The following CDH24 variants were observed in gnomAD, a reference collection of about 807,000 sequenced individuals.
CDH24 encodes cadherin 24, also known as cadherin-24.
Under a neutral mutation model 71.2 loss-of-function variants are expected in CDH24, and 61 were observed. That is an observed-to-expected ratio of 0.86 (90% CI 0.70 to 1.06). CDH24 has a LOEUF of 1.06. Ranked by LOEUF, CDH24 falls within the 50% of genes least tolerant of loss-of-function variation. The pLI, the probability that CDH24 is intolerant of heterozygous loss-of-function variation, is 0.00. For synonymous variants in CDH24, 440 were observed against 470.2 expected (o/e 0.94, Z 0.83); for missense variants, 961 against 1,083.7 (o/e 0.89, Z 1.59).
Position 23,048,268 on chromosome 14 carries a change from G to C in CDH24, c.2058C>G (p.Pro686=). Residue 686 remains proline (P), a synonymous_variant, in exon 12 of 13, where the codon CCC becomes CCG. Coordinates refer to ENST00000487137, the MANE Select transcript of CDH24 (RefSeq NM_144985.4). The stretch of plus-strand genomic sequence containing the variant: ...TGGGCTGGCGCGACACCCGGGCCCG[G>C]GGCAACACGTCTCGGCGCGCGGGAG... ...PGPPARRDVL[P]RARVSRQPRP... is the part of the protein sequence containing the mutation. 6.5e-7 allele frequency: 1 copy of C among 1,530,924 alleles called. No individual in the cohort carries two copies. Among genetic ancestry groups the C allele is most frequent in the South Asian group, 1.2e-5 (1 of 84,360 alleles). The allele number at this position is 1,530,924 out of a possible 1,614,324, so 94.8% of individuals were successfully genotyped here.
At chr14:23,053,318 C>T (rs574475303) in intron 7 of CDH24, among the ~76,000 whole-genome samples, 178 bp downstream of exon 7, 9 of 152,210 alleles carry the variant, frequency 5.9e-5, no homozygotes, top group Admixed American at 5.2e-4. Context: ...AGTGGTCAGC[C>T]AGGCCCTCCG....
In CDH24 at chr14:23,055,741, C is replaced by T; in HGVS notation, c.-8G>A. The T allele has an allele frequency of 6.4e-7, 1 of 1,566,504 alleles. No homozygotes were observed. Among genetic ancestry groups the T allele is most frequent in the Admixed American group, 2.1e-5 (1 of 48,078 alleles). On this transcript the variant is annotated 5_prime_UTR_variant, in exon 2 of 13. Transcript: ENST00000487137. The surrounding 1 kb of genome is among the most constrained non-coding windows in gnomAD (Gnocchi z 4.1). ...CCTCACCAGGCCCCACATGTTTGGA[C>T]TCCAGCCAGGGCTCTGTTCACTGGC...
At chr14:23,052,832 G>C (rs942619685) in intron 7 of CDH24, among the ~76,000 whole-genome samples, 1 of 152,042 alleles carries the variant, frequency 6.6e-6, no homozygotes, top group Admixed American at 6.5e-5. Context: ...ACGGGGGGAG[G>C]GGGAGAAGAC....
rs537833492 is a variant in CDH24, at chr14:23,053,298, A to G, written c.1226+198T>C. 2.0e-5 allele frequency among the ~76,000 whole-genome samples: 3 copies of G among 152,324 alleles called. No individual in the cohort carries two copies. The South Asian group carries it at 6.2e-4, about 32-fold the overall frequency. ...ATCATCTACCCAGAGGGGTGGACAG[A>G]CGGTTGAGGAGTGGTCAGCCAGGCC... On this transcript the variant is annotated intron_variant, in intron 7 of 12. Coordinates refer to ENST00000487137, the MANE Select transcript of CDH24 (RefSeq NM_144985.4).
chr14:23,052,661 G>T (rs775482024), intron 7 of CDH24, 52 bp from the exon 8 acceptor site: 1 of 1,582,020 alleles, frequency 6.3e-7, no homozygotes, highest in Non-Finnish European at 8.7e-7. Context: ...ACCACAGCTT[G>T]TTCCACCCCC....
chr14:23,055,764 G>A lies in CDH24; in HGVS notation c.-31C>T, dbSNP rs753707075. The A allele has an allele frequency of 4.0e-6, 6 of 1,511,936 alleles. No homozygotes were observed. The Admixed American group carries it at 1.5e-4, about 38-fold the overall frequency. 93.7% of individuals were successfully genotyped at this position (1,511,936 alleles called of 1,614,324 possible). A position where few individuals can be genotyped will look rare whatever the true frequency, so the allele number is the denominator to read the frequency against. On this transcript the variant is annotated 5_prime_UTR_variant, in exon 2 of 13. It introduces an in-frame stop codon into an upstream open reading frame of the 5' UTR. Coordinates refer to ENST00000487137, the MANE Select transcript of CDH24 (RefSeq NM_144985.4). The surrounding 1 kb of genome is among the most constrained non-coding windows in gnomAD (Gnocchi z 4.1). The stretch of plus-strand genomic sequence containing the variant: ...GACTCCAGCCAGGGCTCTGTTCACT[G>A]GCCCTGGGTGCTGAGGCTGGGCCAG...
intron 8 of CDH24, among the ~76,000 whole-genome samples, chr14:23,050,493 CCACACACACACACACACACA>C (rs10553168): frequency 1.4e-5 from 2 of 144,884 alleles, no homozygotes; most frequent in East Asian, 2.1e-4. Context: ...CATATACACA[CCACACACACACACACACACA>C]CACACACACA....
Position 23,055,297 on chromosome 14 carries a change from C to A in CDH24, c.258G>T (p.Glu86Asp). 6.2e-7 allele frequency: 1 copy of A among 1,611,888 alleles called. No individual in the cohort carries two copies. Among genetic ancestry groups the A allele is most frequent in the Non-Finnish European group, 8.5e-7 (1 of 1,178,090 alleles). Residue 86 changes from glutamate to aspartate, a missense_variant, in exon 3 of 13, where the codon GAG becomes GAT. By Grantham distance (45) the Glu-to-Asp change is conservative. Around this residue, in one of 2 missense-constraint regions of CDH24, gnomAD observed 671 missense variants for 810.9 expected, o/e 0.83. Coordinates refer to ENST00000487137, the MANE Select transcript of CDH24 (RefSeq NM_144985.4). This position sits in a 1 kb window ranked among gnomAD's most constrained non-coding sequence, Gnocchi z 4.1. The part of the protein sequence containing the change: ...EGRTKYLLTG[E>D]GAGTVFVIDE... ...CAATCACAAATACGGTGCCTGCCCC[C>A]TCCCCGGTCAACAGGTACTTGGTGC...
Position 23,049,746 on chromosome 14 carries a change from G to A in CDH24, c.1486-8C>T, listed in dbSNP as rs750158749. 3.1e-6 allele frequency: 5 copies of A among 1,611,696 alleles called. No individual in the cohort carries two copies. The highest frequency in any genetic ancestry group is 2.2e-5 in the South Asian group (2 of 90,882). On this transcript the variant is annotated splice_polypyrimidine_tract_variant and splice_region_variant and intron_variant, in intron 9 of 12. Transcript: ENST00000487137. ...CCGGATGACCTGAATCAGCTGGGAG[G>A]AAGAAGAGAGAGGCCTTGTATGGAG...
Position 23,053,589 on chromosome 14 carries a change from G to A in CDH24, c.1133C>T (p.Ala378Val), listed in dbSNP as rs1221213679. 27 of 1,613,050 alleles carry A rather than the reference G, an allele frequency of 1.7e-5. No individual in the cohort carries two copies. The highest frequency in any genetic ancestry group is 2.2e-5 in the Non-Finnish European group (26 of 1,179,386). The change falls in exon 7 of 13, where the codon GCC (alanine) becomes GTC (valine). Residue 378 changes from alanine to valine, a missense_variant. Physicochemically the swap from Ala to Val is moderately conservative, Grantham distance 64. Around this residue, in one of 2 missense-constraint regions of CDH24, gnomAD observed 671 missense variants for 810.9 expected, o/e 0.83. Transcript: ENST00000487137. The part of the protein sequence containing the change: ...APEPPAFTQA[A>V]YHLTVPENKA... The stretch of plus-strand genomic sequence containing the variant: ...GTTCTCAGGCACTGTCAGGTGGTAG[G>A]CAGCCTGGGTGAAGGCAGGTGGCTC...
In CDH24 at chr14:23,048,475, C is replaced by A. The variant is rs762126349; in HGVS notation, c.1851G>T (p.Leu617=). Residue 617 remains leucine, a synonymous_variant, in exon 12 of 13, where the codon CTG becomes CTT. Transcript: ENST00000487137. Reference sequence around the variant, plus strand: ...GCCGCAGGGCCACGAAGAGCACCACCAGGGCTGCGCGAGAGGCGCGCACAC... The same window carrying A: ...GCCGCAGGGCCACGAAGAGCACCACAAGGGCTGCGCGAGAGGCGCGCACAC... The part of the protein sequence containing the change: ...IITCVGALLA[L]VVLFVALRRQ... The A allele has an allele frequency of 6.2e-7, 1 of 1,605,878 alleles. No individual in the cohort carries two copies. Among genetic ancestry groups the A allele is most frequent in the Admixed American group, 1.7e-5 (1 of 59,970 alleles).
chr14:23,053,809 C>T (rs963049531), intron 6 of CDH24, 60 bp from the exon 7 acceptor site: 1 of 1,513,830 alleles, frequency 6.6e-7, no homozygotes, highest in Non-Finnish European at 8.9e-7. Flanking sequence ...AGGTCCCAGG[C>T]TCTTGGAAGG....
chr14:23,048,406 G>T lies in CDH24; in HGVS notation c.1920C>A (p.Val640=). The change falls in exon 12 of 13, where the codon GTC becomes GTA. Residue 640 remains valine (V), a synonymous_variant. Transcript: ENST00000487137. ...EALMVLEEED[V]RENIITYDDE... is the part of the protein sequence containing the mutation. ...CGTCGTAGGTGATGATGTTCTCTCGGACGTCCTCCTCCTCCAGTACCATCA... is the reference window on the plus strand; with the variant it reads ...CGTCGTAGGTGATGATGTTCTCTCGTACGTCCTCCTCCTCCAGTACCATCA... 8 of 1,612,442 alleles carry T rather than the reference G, an allele frequency of 5.0e-6. No homozygotes were observed. Among genetic ancestry groups the T allele is most frequent in the Non-Finnish European group, 5.9e-6 (7 of 1,179,638 alleles).
chr14:23,049,820 A>G lies in CDH24; in HGVS notation c.1485+2T>C. ...CCCAACCCCTCTGCCTCAGTTGCTC[A>G]CCTGGCCAGGAGCTGCAGAGTCACA... On this transcript the variant is annotated splice_donor_variant, in intron 9 of 12. Coordinates refer to ENST00000487137, the MANE Select transcript of CDH24 (RefSeq NM_144985.4). LOFTEE classifies it high-confidence loss of function. The G allele has an allele frequency of 6.2e-7, 1 of 1,613,892 alleles. No individual in the cohort carries two copies. The highest frequency in any genetic ancestry group is 8.5e-7 in the Non-Finnish European group (1 of 1,179,898).
intron 1 of CDH24, among the ~76,000 whole-genome samples, chr14:23,056,586 CAG>C (rs772994348): frequency 3.0e-4 from 45 of 152,274 alleles, no homozygotes; most frequent in Non-Finnish European, 5.7e-4. Context: ...TGGCAAGAGA[CAG>C]AATGAGAGAG....
chr14:23,055,010 G>C lies in CDH24; in HGVS notation c.496+49C>G, dbSNP rs879034475. On this transcript the variant is annotated intron_variant, in intron 3 of 12. Transcript: ENST00000487137. This position sits in a 1 kb window ranked among gnomAD's most constrained non-coding sequence, Gnocchi z 4.1. The stretch of plus-strand genomic sequence containing the variant: ...ACAACAAGAAGGGAAGGAGAGGTGA[G>C]AGAGCTCCAGAAGACGGGAACTGGG... 6.3e-7 allele frequency: 1 copy of C among 1,593,120 alleles called. No individual in the cohort carries two copies. Among genetic ancestry groups the C allele is most frequent in the South Asian group, 1.1e-5 (1 of 88,268 alleles).
chr14:23,053,981 C>T (rs1413065754), intron 6 of CDH24, among the ~76,000 whole-genome samples, 160 bp downstream of exon 6: 1 of 152,124 alleles, frequency 6.6e-6, no homozygotes, highest in Non-Finnish European at 1.5e-5. Context: ...CTTCTTCTTT[C>T]TAAGCTCCAG....
Position 23,055,917 on chromosome 14 carries a change from T to G in CDH24, c.-124-60A>C, listed in dbSNP as rs2047126534. 5.2e-6 allele frequency: 3 copies of G among 577,850 alleles called. No individual in the cohort carries two copies. The highest frequency in any genetic ancestry group is 9.2e-6 in the Non-Finnish European group (3 of 326,406). The allele number at this position is 577,850 out of a possible 1,614,324, so 35.8% of individuals were successfully genotyped here. A position where few individuals can be genotyped will look rare whatever the true frequency, so the allele number is the denominator to read the frequency against. The stretch of plus-strand genomic sequence containing the variant: ...CCCCTAGCCCTCCTCCCCCGCAAAA[T>G]TAGATGCTGAAGACCAGACCTCCAA... On this transcript the variant is annotated intron_variant, in intron 1 of 12. Coordinates refer to ENST00000487137, the MANE Select transcript of CDH24 (RefSeq NM_144985.4). This position sits in a 1 kb window ranked among gnomAD's most constrained non-coding sequence, Gnocchi z 4.1.
Position 23,054,929 on chromosome 14 carries a change from G to GC in CDH24, c.497-64_497-63insG, listed in dbSNP as rs1555368879. On this transcript the variant is annotated intron_variant, in intron 3 of 12. Transcript: ENST00000487137. The surrounding 1 kb of genome is among the most constrained non-coding windows in gnomAD (Gnocchi z 5.2). Reference sequence around the variant, plus strand: ...GGAAGGATGGGGAAGAACAACCGATGGGGGGGGATGCAGATACGAGGGAGG... The same window carrying GC: ...GGAAGGATGGGGAAGAACAACCGATGCGGGGGGGATGCAGATACGAGGGAGG... 8.7e-6 allele frequency: 13 copies of GC among 1,498,010 alleles called. No individual in the cohort carries two copies. Among genetic ancestry groups the GC allele is most frequent in the Admixed American group, 1.9e-5 (1 of 52,262 alleles). 92.8% of individuals were successfully genotyped at this position (1,498,010 alleles called of 1,614,324 possible). A position where few individuals can be genotyped will look rare whatever the true frequency, so the allele number is the denominator to read the frequency against.
Sources: allele counts gnomAD v4.1 joint callset (sites outside exome capture counted in the v4.1 genomes callset), GRCh38; gene constraint gnomAD v4.1.1; regional missense constraint gnomAD v4.1.1; non-coding constraint Gnocchi (gnomAD v3.1); transcripts MANE v1.5; gene names NCBI Gene and HGNC (gene_info 2026-07-23, HGNC 2026-07-21).